RNF114: variants seen among roughly 807,000 people sequenced by gnomAD.
RNF114 encodes the protein ring finger protein 114.
RNF114 carries 6 observed loss-of-function variants against 28.4 expected under a neutral mutation model. The ratio of observed to expected loss-of-function variants is 0.21; its 90% CI spans 0.12 to 0.42. RNF114 has a LOEUF of 0.42. RNF114 is among the 10% of genes least tolerant of loss of function. The probability of loss-of-function intolerance (pLI) is 1.00; values close to 1 mark genes in which losing one functional copy is unlikely to be tolerated. For synonymous variants in RNF114, 115 were observed against 116.7 expected (o/e 0.99, Z 0.09); for missense variants, 249 against 311.7 (o/e 0.80, Z 1.51).
chr20:49,947,240 A>AAC, intron 4 of RNF114, among the ~76,000 whole-genome samples: 1 of 66,420 alleles, frequency 1.5e-5, no homozygotes, highest in East Asian at 5.5e-4. Context: ...CCCCCCCAAA[A>AAC]AAGTATTTGT....
chr20:49,945,545 G>GTTT (rs2090327000), intron 3 of RNF114, 57 bp downstream of exon 3: 1 of 408,658 alleles, frequency 2.4e-6, no homozygotes, highest in African/African-American at 7.6e-5. Context: ...AATACAAAGA[G>GTTT]GTTGCATGCC....
intron 1 of RNF114, among the ~76,000 whole-genome samples, 187 bp downstream of exon 1, chr20:49,936,739 C>A (rs1483907757): frequency 6.6e-6 from 1 of 152,138 alleles, no homozygotes; most frequent in Admixed American, 6.5e-5. Flanking sequence ...CCGCTCACTC[C>A]TAAGTATCCC....
intron 4 of RNF114, among the ~76,000 whole-genome samples, chr20:49,948,815 G>A (rs1300439337): frequency 1.3e-5 from 2 of 152,092 alleles, no homozygotes; most frequent in African/African-American, 4.8e-5. Flanking sequence ...TTTGTGTGAG[G>A]GCTTTTCAGC....
At chr20:49,950,808 G>A (rs984492490) in intron 5 of RNF114, among the ~76,000 whole-genome samples, 4 of 152,092 alleles carry the variant, frequency 2.6e-5, no homozygotes, top group Non-Finnish European at 4.4e-5. Context: ...GCCAGGTGGT[G>A]CCTGACTCGT....
chr20:49,937,916 C>T (rs1216240228), intron 1 of RNF114, among the ~76,000 whole-genome samples: 2 of 152,092 alleles, frequency 1.3e-5, no homozygotes, highest in African/African-American at 2.4e-5. Context: ...GTAGACTCTG[C>T]CTTCAGAGTT....
intron 1 of RNF114, 52 bp downstream of exon 1, chr20:49,936,604 G>A (rs148674659): frequency 2.6e-6 from 4 of 1,556,356 alleles, no homozygotes; most frequent in East Asian, 5.0e-5. Flanking sequence ...GGAAGGGAAT[G>A]GAGCCGAGGA....
chr20:49,941,351 T>G, intron 1 of RNF114: 1 of 495,376 alleles, frequency 2.0e-6, no homozygotes, highest in Non-Finnish European at 3.5e-6. Flanking sequence ...ATCACAGGAG[T>G]TTGCATTTGT....
intron 1 of RNF114, 63 bp downstream of exon 1, chr20:49,936,615 G>A (rs940234165): frequency 1.3e-6 from 2 of 1,548,282 alleles, no homozygotes; most frequent in East Asian, 2.5e-5. Flanking sequence ...GAGCCGAGGA[G>A]CGAGATGGGT....
chr20:49,941,939 T>C, intron 2 of RNF114: 1 of 488,222 alleles, frequency 2.0e-6, no homozygotes, highest in Non-Finnish European at 3.6e-6. Context: ...TTGAAAGCCA[T>C]AGAAATCAGT....
At chr20:49,939,613 A>T (rs2090299446) in intron 1 of RNF114, among the ~76,000 whole-genome samples, 1 of 152,136 alleles carries the variant, frequency 6.6e-6, no homozygotes, top group Non-Finnish European at 1.5e-5. Flanking sequence ...AAAGTCAGTA[A>T]GTTATCAAGT....
Position 49,941,578 on chromosome 20 carries a change from T to C in RNF114, c.158T>C (p.Leu53Pro). The part of the protein sequence containing the change: ...PCGHVFCSAC[L>P]QECLKPKKPV... ...TGTTCTAGCTTTTGCTCTGCATGCC[T>C]GCAGGAATGTCTGAAGCCGAAGAAG... The change falls in exon 2 of 6, where the codon CTG becomes CCG. Residue 53 changes from leucine (L) to proline (P), a missense_variant. Physicochemically the swap from Leu to Pro is moderately conservative, Grantham distance 98. Around this residue, in one of 2 missense-constraint regions of RNF114, gnomAD observed 123 missense variants for 106.4 expected, o/e 1.16. Transcript: ENST00000244061. 6.2e-7 allele frequency: 1 copy of C among 1,604,914 alleles called. No homozygotes were observed. The highest frequency in any genetic ancestry group is 8.5e-7 in the Non-Finnish European group (1 of 1,173,952).
chr20:49,946,841 G>A (rs1383049406), intron 4 of RNF114, among the ~76,000 whole-genome samples: 1 of 151,686 alleles, frequency 6.6e-6, no homozygotes, highest in Non-Finnish European at 1.5e-5. Flanking sequence ...AGAGGATTTA[G>A]GTGAAATTAT....
At position 49,949,267 on chromosome 20, in the gene RNF114, C is replaced by T. The variant is rs1180909971; in HGVS notation, c.533C>T (p.Ser178Leu). 3 of 1,614,016 alleles carry T rather than the reference C, an allele frequency of 1.9e-6. No individual in the cohort carries two copies. Among genetic ancestry groups the T allele is most frequent in the African/African-American group, 1.3e-5 (1 of 74,938 alleles). Reference sequence around the variant, plus strand: ...TGAAAGGTTTGTCCGATATGTGCCTCGATGCCCTGGGGAGACCCCAACTAC... The same window carrying T: ...TGAAAGGTTTGTCCGATATGTGCCTTGATGCCCTGGGGAGACCCCAACTAC... ...TKSVVCPICA[S>L]MPWGDPNYRS... Residue 178 changes from serine (S) to leucine (L), a missense_variant, in exon 5 of 6, where the codon TCG becomes TTG. Ser to Leu is a moderately radical substitution (Grantham distance 145). Around this residue, in one of 2 missense-constraint regions of RNF114, gnomAD observed 126 missense variants for 205.3 expected, o/e 0.61. Coordinates refer to ENST00000244061, the MANE Select transcript of RNF114 (RefSeq NM_018683.4).
At chr20:49,947,953 G>A (rs1004054156) in intron 4 of RNF114, among the ~76,000 whole-genome samples, 10 of 151,342 alleles carry the variant, frequency 6.6e-5, no homozygotes, top group Admixed American at 1.3e-4. Flanking sequence ...CACCATGCCC[G>A]GCTAATTTTT....
rs556430267 is a variant in RNF114 at position 49,952,417 on chromosome 20, C to T, written c.*276C>T. On this transcript the variant is annotated 3_prime_UTR_variant, in exon 6 of 6. Coordinates refer to ENST00000244061, the MANE Select transcript of RNF114 (RefSeq NM_018683.4). ...GGCTACTTCCTGGAGCTTCTGCCGCCTCCTGTGGAAGATAATCTAGCTTCT... is the reference window on the plus strand; with the variant it reads ...GGCTACTTCCTGGAGCTTCTGCCGCTTCCTGTGGAAGATAATCTAGCTTCT... The T allele has an allele frequency of 2.1e-4, 112 of 525,102 alleles. No homozygotes were observed. Among genetic ancestry groups the T allele is most frequent in the African/African-American group, 1.9e-3 (103 of 53,080 alleles). The allele number at this position is 525,102 out of a possible 1,614,324, so 32.5% of individuals were successfully genotyped here.
At position 49,936,503 on chromosome 20, in the gene RNF114, G is replaced by A. The variant is rs1421870679; in HGVS notation, c.91G>A (p.Val31Met). 1 of 1,577,570 alleles carries A rather than the reference G, an allele frequency of 6.3e-7. No homozygotes were observed. Among genetic ancestry groups the A allele is most frequent in the Non-Finnish European group, 8.6e-7 (1 of 1,163,126 alleles). ...ADPLGRFTCP[V>M]CLEVYEKPVQ... ...CCCCCTAGGACGCTTCACGTGTCCC[G>A]TGTGCTTAGAGGTGTACGAGAAGCC... The change falls in exon 1 of 6, where the codon GTG becomes ATG. Residue 31 changes from valine to methionine, a missense_variant. Physicochemically the swap from Val to Met is conservative, Grantham distance 21 (BLOSUM62 1). Transcript: ENST00000244061.
intron 2 of RNF114, among the ~76,000 whole-genome samples, chr20:49,943,016 A>T (rs2090313851): frequency 6.7e-6 from 1 of 148,776 alleles, no homozygotes. Flanking sequence ...TCCACTTTTC[A>T]GGTTTTTTTT....
At chr20:49,949,432 TG>T in intron 5 of RNF114, 77 bp downstream of exon 5, 1 of 1,218,946 alleles carries the variant, frequency 8.2e-7, no homozygotes, top group Non-Finnish European at 1.2e-6. Context: ...AAAGGGGAAA[TG>T]GGGATCCCCA....
At chr20:49,947,230 C>A (rs199800560) in intron 4 of RNF114, among the ~76,000 whole-genome samples, 6 of 20,964 alleles carry the variant, frequency 2.9e-4, no homozygotes, top group East Asian at 1.0e-3. Context: ...CCCCCCCCCC[C>A]CCCCCCAAAA....
Sources: allele counts gnomAD v4.1 joint callset (sites outside exome capture counted in the v4.1 genomes callset), GRCh38; gene constraint gnomAD v4.1.1; regional missense constraint gnomAD v4.1.1; transcripts MANE v1.5; gene names NCBI Gene and HGNC (gene_info 2026-07-23, HGNC 2026-07-21).